DLGAP2: variants seen among roughly 807,000 people sequenced by gnomAD.
The protein encoded by DLGAP2 is disks large-associated protein 2.
Under a neutral mutation model 100.3 loss-of-function variants are expected in DLGAP2, and 26 were observed. The ratio of observed to expected loss-of-function variants is 0.26; its 90% CI spans 0.19 to 0.36. The LOEUF is 0.36. Among genes scored for constraint, DLGAP2 ranks in the 10% least tolerant of loss-of-function variants. The pLI, the probability that DLGAP2 is intolerant of heterozygous loss-of-function variation, is 1.00. For synonymous variants in DLGAP2, 886 were observed against 630.1 expected, an observed-to-expected ratio of 1.41 and a Z score of -6.08; for missense variants, 1,858 against 1,453.2, an observed-to-expected ratio of 1.28 and a Z score of -4.53.
rs1021286982 is a variant in DLGAP2 at position 1,536,159 on chromosome 8, T to C, written c.173-12467T>C. The stretch of plus-strand genomic sequence containing the variant: ...AGTATTCAGGAGAACTGTTGGTTGA[T>C]GGAGTGGAAGAGACAGAAGCCAGGG... On this transcript the variant is annotated intron_variant, in intron 4 of 14. Coordinates refer to ENST00000637795, the MANE Select transcript of DLGAP2 (RefSeq NM_001346810.2). 4.6e-5 allele frequency among the ~76,000 whole-genome samples: 7 copies of C among 152,230 alleles called. No homozygotes were observed. The South Asian group carries it at 1.5e-3, about 32-fold the overall frequency.
chr8:785,576 AG>A (rs1258884357), intron 1 of DLGAP2, among the ~76,000 whole-genome samples: 1 of 48,464 alleles, frequency 2.1e-5, no homozygotes, highest in Admixed American at 2.7e-4. Flanking sequence ...CCCTCCCCTC[AG>A]GCCCCTCTGA....
intron 1 of DLGAP2, among the ~76,000 whole-genome samples, chr8:809,375 C>G (rs1175145770): frequency 6.6e-6 from 1 of 151,948 alleles, no homozygotes; most frequent in East Asian, 1.9e-4. Flanking sequence ...TTTACCTACA[C>G]CATTTATTTT....
intron 12 of DLGAP2, among the ~76,000 whole-genome samples, chr8:1,683,342 G>T (rs1261308118): frequency 6.6e-6 from 1 of 151,432 alleles, no homozygotes; most frequent in East Asian, 1.9e-4. Flanking sequence ...GCAGAGAACT[G>T]GGGAACAGAG....
intron 3 of DLGAP2, among the ~76,000 whole-genome samples, chr8:1,372,637 T>C (rs1802269579): frequency 6.6e-6 from 1 of 152,224 alleles, no homozygotes; most frequent in Non-Finnish European, 1.5e-5. Context: ...CAGAGTGACC[T>C]GTCTGATGAT....
chr8:1,697,735 C>A (rs747317494), intron 14 of DLGAP2, among the ~76,000 whole-genome samples: 1 of 152,196 alleles, frequency 6.6e-6, no homozygotes, highest in Non-Finnish European at 1.5e-5. Flanking sequence ...ATTCAATATA[C>A]CTTCTAGTAT....
In DLGAP2 at chr8:1,191,227, A is replaced by G. The variant is rs571246366; in HGVS notation, c.74-67624A>G. Reference sequence around the variant, plus strand: ...CACTCTGTCACCCAGGCTGGAGTACAGTGGCGCGATCTCGGCTCACTGCAG... The same window carrying G: ...CACTCTGTCACCCAGGCTGGAGTACGGTGGCGCGATCTCGGCTCACTGCAG... On this transcript the variant is annotated intron_variant, in intron 2 of 14. Transcript: ENST00000637795. Among the ~76,000 whole-genome samples, 66 of 113,936 alleles carry G rather than the reference A, an allele frequency of 5.8e-4. 1 individual carries two copies. In the South Asian group the frequency reaches 8.0e-3, roughly 14 times the overall value. 74.7% of individuals were successfully genotyped at this position (113,936 alleles called of 152,430 possible). A position where few individuals can be genotyped will look rare whatever the true frequency, so the allele number is the denominator to read the frequency against.
intron 3 of DLGAP2, among the ~76,000 whole-genome samples, chr8:1,433,948 C>T (rs528871794): frequency 2.0e-5 from 3 of 152,104 alleles, no homozygotes; most frequent in African/African-American, 7.2e-5. Flanking sequence ...TCTTTGCAAA[C>T]CACAAGCCAA....
At chr8:852,145 G>A (rs186958985) in intron 1 of DLGAP2, among the ~76,000 whole-genome samples, 1,538 of 150,098 alleles carry the variant, frequency 0.01, 11 homozygotes, top group Non-Finnish European at 0.016. Context: ...GGACACATTG[G>A]AAGCTAAAAA....
intron 2 of DLGAP2, among the ~76,000 whole-genome samples, chr8:1,256,317 T>C (rs1470903705): frequency 4.2e-5 from 5 of 120,442 alleles, no homozygotes; most frequent in African/African-American, 1.7e-4. Flanking sequence ...GTGTGTCCTC[T>C]CATCCTGTCT....
At chr8:1,655,462 G>T (rs1306723367) in intron 8 of DLGAP2, among the ~76,000 whole-genome samples, 1 of 152,144 alleles carries the variant, frequency 6.6e-6, no homozygotes, top group Non-Finnish European at 1.5e-5. Flanking sequence ...TGCCATTCAA[G>T]GGATATTTTA....
chr8:1,525,373 A>G (rs902486138), intron 4 of DLGAP2, among the ~76,000 whole-genome samples: 1 of 152,086 alleles, frequency 6.6e-6, no homozygotes. Flanking sequence ...TTCTGAATGA[A>G]ATTGATTGCT....
intron 3 of DLGAP2, among the ~76,000 whole-genome samples, chr8:1,409,783 G>C (rs1332520344): frequency 6.6e-6 from 1 of 152,160 alleles, no homozygotes; most frequent in Non-Finnish European, 1.5e-5. Flanking sequence ...CTTGAGCTGG[G>C]ACCTTCATCT....
At chr8:1,052,733 G>C (rs1802757378) in intron 2 of DLGAP2, among the ~76,000 whole-genome samples, 1 of 152,152 alleles carries the variant, frequency 6.6e-6, no homozygotes, top group Non-Finnish European at 1.5e-5. Flanking sequence ...AATACAGGGA[G>C]GGGTTTTCTA....
chr8:1,485,908 C>T (rs1360539418), intron 3 of DLGAP2, among the ~76,000 whole-genome samples: 1 of 152,140 alleles, frequency 6.6e-6, no homozygotes, highest in Non-Finnish European at 1.5e-5. Context: ...CCTGTCGTCC[C>T]AGCTACTCAG....
chr8:1,691,449 C>T (rs1287880134), intron 12 of DLGAP2, 86 bp from the exon 13 acceptor site: 12 of 1,163,276 alleles, frequency 1.0e-5, no homozygotes, highest in South Asian at 1.4e-5. Flanking sequence ...GTGGGACTCG[C>T]TCCCTTGGTG....
At chr8:1,098,607 C>T (rs1563190756) in intron 2 of DLGAP2, among the ~76,000 whole-genome samples, 1 of 104,906 alleles carries the variant, frequency 9.5e-6, no homozygotes, top group East Asian at 2.4e-4. Flanking sequence ...TCCCGGCCGC[C>T]CACGGGCGCC....
At chr8:1,427,466 C>G (rs887535376) in intron 3 of DLGAP2, among the ~76,000 whole-genome samples, 1 of 152,178 alleles carries the variant, frequency 6.6e-6, no homozygotes, top group African/African-American at 2.4e-5. Context: ...ATAATATAAA[C>G]AAACATCCTC....
At chr8:1,258,126 A>G (rs768755244) in intron 2 of DLGAP2, among the ~76,000 whole-genome samples, 2 of 152,220 alleles carry the variant, frequency 1.3e-5, no homozygotes, top group African/African-American at 2.4e-5. Context: ...AGGGGACTCA[A>G]TACCCATGGA....
intron 3 of DLGAP2, among the ~76,000 whole-genome samples, chr8:1,303,360 G>T (rs901729561): frequency 2.8e-5 from 4 of 144,520 alleles, no homozygotes; most frequent in Non-Finnish European, 4.5e-5. Context: ...TCGCGCCACC[G>T]CACTCCAGCC....
Sources: gnomAD v4.1 joint callset for allele counts (sites outside exome capture counted in the v4.1 genomes callset) on GRCh38, gnomAD v4.1.1 for gene constraint, MANE v1.5 for transcripts, NCBI Gene and HGNC (gene_info 2026-07-23, HGNC 2026-07-21) for gene names.